The following SPATA17 variants were observed in gnomAD, a reference collection of about 807,000 sequenced individuals.
The protein encoded by SPATA17 is spermatogenesis associated 17.
A neutral mutation model predicts 62.2 loss-of-function variants in SPATA17; 53 were observed. The ratio of observed to expected loss-of-function variants is 0.85; its 90% CI spans 0.68 to 1.07. SPATA17 has a LOEUF of 1.07. Ranked by LOEUF, SPATA17 falls within the 50% of genes least tolerant of loss-of-function variation. The pLI is 0.00. For synonymous variants in SPATA17, 146 were observed against 146.8 expected (o/e 0.99, Z 0.04); for missense variants, 466 against 425.5 (o/e 1.10, Z -0.84).
intron 1 of SPATA17, among the ~76,000 whole-genome samples, chr1:217,638,344 T>TA (rs1371763871): frequency 6.6e-6 from 1 of 152,142 alleles, no homozygotes; most frequent in Non-Finnish European, 1.5e-5. Context: ...AATATGTTTC[T>TA]AAAACCAACA....
chr1:217,804,030 A>G (rs1177917834), intron 9 of SPATA17, among the ~76,000 whole-genome samples: 1 of 152,146 alleles, frequency 6.6e-6, no homozygotes, highest in Non-Finnish European at 1.5e-5. Flanking sequence ...GAGGAAAAAA[A>G]AAAAGAAGAA....
intron 9 of SPATA17, among the ~76,000 whole-genome samples, chr1:217,815,210 A>C (rs1388962939): frequency 6.6e-6 from 1 of 152,180 alleles, no homozygotes; most frequent in Non-Finnish European, 1.5e-5. Context: ...AGGGGACCCC[A>C]AATGACTGGA....
At chr1:217,794,844 A>G (rs960714559) in intron 8 of SPATA17, among the ~76,000 whole-genome samples, 1 of 152,210 alleles carries the variant, frequency 6.6e-6, no homozygotes, top group Non-Finnish European at 1.5e-5. Context: ...CACAAACAGT[A>G]AGTGCTAAGA....
intron 8 of SPATA17, among the ~76,000 whole-genome samples, chr1:217,801,205 A>G (rs1483131088): frequency 6.6e-6 from 1 of 152,148 alleles, no homozygotes; most frequent in Non-Finnish European, 1.5e-5. Context: ...ACAGCTAGCA[A>G]AGCAAAGCTA....
chr1:217,815,896 A>G (rs910296220), intron 9 of SPATA17, among the ~76,000 whole-genome samples: 2 of 152,174 alleles, frequency 1.3e-5, no homozygotes, highest in African/African-American at 4.8e-5. Context: ...CCCAACATCT[A>G]TCTCATTGGT....
chr1:217,861,156 C>T (rs909810712), intron 9 of SPATA17, among the ~76,000 whole-genome samples: 24 of 151,876 alleles, frequency 1.6e-4, no homozygotes, highest in Non-Finnish European at 2.4e-4. Flanking sequence ...TGTTCACAAG[C>T]GATAATGATG....
intron 9 of SPATA17, among the ~76,000 whole-genome samples, chr1:217,816,792 A>G (rs879869029): frequency 8.5e-5 from 13 of 152,082 alleles, no homozygotes; most frequent in Admixed American, 3.9e-4. Context: ...ACCTTTTAAA[A>G]CAATGTACTA....
At chr1:217,757,123 G>T (rs140682266) in intron 6 of SPATA17, among the ~76,000 whole-genome samples, 2 of 152,144 alleles carry the variant, frequency 1.3e-5, no homozygotes, top group Non-Finnish European at 2.9e-5. Flanking sequence ...CATGATATTT[G>T]CCAAAGTGCT....
At chr1:217,649,934 CTTT>C (rs771612819) in intron 2 of SPATA17, among the ~76,000 whole-genome samples, 3 of 120,462 alleles carry the variant, frequency 2.5e-5, no homozygotes, top group Non-Finnish European at 3.4e-5. Context: ...AGGCTTCTCT[CTTT>C]TTTTTTTTTT....
chr1:217,830,652 CT>C (rs1675119276), intron 9 of SPATA17, among the ~76,000 whole-genome samples: 2 of 152,048 alleles, frequency 1.3e-5, no homozygotes, highest in Admixed American at 1.3e-4. Flanking sequence ...CATATTTATT[CT>C]TAGAAGAGCC....
chr1:217,805,050 A>G (rs1289674009), intron 9 of SPATA17, among the ~76,000 whole-genome samples: 1 of 152,224 alleles, frequency 6.6e-6, no homozygotes. Context: ...AAAGGAAGTG[A>G]AATCCATATA....
intron 9 of SPATA17, among the ~76,000 whole-genome samples, chr1:217,847,822 T>G (rs1464060688): frequency 6.6e-6 from 1 of 152,068 alleles, no homozygotes; most frequent in Non-Finnish European, 1.5e-5. Context: ...GCAGATCTCT[T>G]GGAGTTCAGG....
chr1:217,846,971 T>G (rs17046924), intron 9 of SPATA17, among the ~76,000 whole-genome samples: 15,316 of 151,992 alleles, frequency 0.1, 844 homozygotes, highest in African/African-American at 0.15. Context: ...GCTCTTTATT[T>G]TATTTCTGAT....
At chr1:217,726,732 T>C (rs1375424476) in intron 5 of SPATA17, among the ~76,000 whole-genome samples, 1 of 152,070 alleles carries the variant, frequency 6.6e-6, no homozygotes, top group Admixed American at 6.5e-5. Context: ...TTTTTTCATT[T>C]TGGCTGCTTT....
chr1:217,725,025 TTTC>T (rs1240451141), intron 5 of SPATA17, among the ~76,000 whole-genome samples: 1 of 152,202 alleles, frequency 6.6e-6, no homozygotes, highest in Non-Finnish European at 1.5e-5. Context: ...TCTTTTATAA[TTTC>T]TTCTTTGCAT....
intron 9 of SPATA17, among the ~76,000 whole-genome samples, chr1:217,824,686 G>GTA (rs1268355334): frequency 3.3e-5 from 5 of 150,516 alleles, no homozygotes; most frequent in African/African-American, 4.8e-5. Context: ...AAATTCATAT[G>GTA]TATATATATT....
intron 1 of SPATA17, among the ~76,000 whole-genome samples, chr1:217,636,837 A>AT (rs753702951): frequency 1.3e-5 from 2 of 152,204 alleles, no homozygotes; most frequent in Non-Finnish European, 2.9e-5. Context: ...GCTGAACAAA[A>AT]TTTAAATCAA....
chr1:217,827,839 A>G (rs564386353), intron 9 of SPATA17, among the ~76,000 whole-genome samples: 1 of 152,260 alleles, frequency 6.6e-6, no homozygotes, highest in African/African-American at 2.4e-5. Flanking sequence ...CAATGAGAAC[A>G]CATGGACACA....
chr1:217,744,065 G>A (rs1672688666), intron 6 of SPATA17, among the ~76,000 whole-genome samples: 1 of 152,054 alleles, frequency 6.6e-6, no homozygotes, highest in South Asian at 2.1e-4. Context: ...TCTATGGAGT[G>A]CTTACCATGT....
Sources: allele counts gnomAD v4.1 joint callset (sites outside exome capture counted in the v4.1 genomes callset), GRCh38; gene constraint gnomAD v4.1.1; transcripts MANE v1.5; gene names NCBI Gene and HGNC (gene_info 2026-07-23, HGNC 2026-07-21).